The following CSNK1A1 variants were observed in gnomAD, a reference collection of about 807,000 sequenced individuals.
CSNK1A1 encodes casein kinase 1 alpha 1, also known as casein kinase I isoform alpha.
A neutral mutation model predicts 46.1 loss-of-function variants in CSNK1A1; 7 were observed. The observed-to-expected ratio is 0.15, with a 90% confidence interval of 0.09 to 0.29. CSNK1A1 has a LOEUF of 0.29. Ranked by LOEUF, CSNK1A1 falls within the 10% of genes least tolerant of loss-of-function variation. The probability of loss-of-function intolerance (pLI) is 1.00; values close to 1 mark genes in which losing one functional copy is unlikely to be tolerated. For missense variants in CSNK1A1, 96 were observed against 417.1 expected (o/e 0.23, Z 6.71); for synonymous variants, 137 against 141.5 (o/e 0.97, Z 0.23).
chr5:149,536,417 A>G (rs1314106856), intron 2 of CSNK1A1, among the ~76,000 whole-genome samples: 5 of 152,262 alleles, frequency 3.3e-5, no homozygotes, highest in African/African-American at 1.2e-4. Flanking sequence ...TTAAATGGAT[A>G]GAGCTAAGTA....
At position 149,521,014 on chromosome 5, in the gene CSNK1A1, T is replaced by TGGCTA. The variant is rs60023364; in HGVS notation, c.358-631_358-627dup. Among the ~76,000 whole-genome samples the TGGCTA allele has an allele frequency of 8.8e-3, 1,347 of 152,342 alleles. 19 individuals carry two copies. The highest frequency in any genetic ancestry group is 0.031 in the African/African-American group (1,272 of 41,584). On this transcript the variant is annotated intron_variant, in intron 3 of 9. Coordinates refer to ENST00000377843, the MANE Select transcript of CSNK1A1 (RefSeq NM_001892.6). ...GCTATAGCTCAAATATCCTTTTTAA[T>TGGCTA]GGCTACAAATATTCTGTGGTAGAGA...
intron 2 of CSNK1A1, among the ~76,000 whole-genome samples, chr5:149,546,469 T>C (rs532250218): frequency 2.7e-4 from 41 of 151,762 alleles, no homozygotes; most frequent in African/African-American, 8.7e-4. Context: ...CCCATCTCTA[T>C]TAAAAATACA....
chr5:149,528,764 T>A (rs1376610785), intron 2 of CSNK1A1, among the ~76,000 whole-genome samples: 1 of 152,250 alleles, frequency 6.6e-6, no homozygotes, highest in Admixed American at 6.5e-5. Flanking sequence ...ACTCATCTAC[T>A]GTAACTTTGG....
Position 149,538,015 on chromosome 5 carries a change from T to A in CSNK1A1, c.230+12060A>T, listed in dbSNP as rs1008294063. ...TGTCTGTTCAATGAAGTGTGCCCAGTTTTTTTTTTTTTTTTTTTTTTTTTG... is the reference window on the plus strand; with the variant it reads ...TGTCTGTTCAATGAAGTGTGCCCAGATTTTTTTTTTTTTTTTTTTTTTTTG... On this transcript the variant is annotated intron_variant, in intron 2 of 9. Transcript: ENST00000377843. Among the ~76,000 whole-genome samples, 6 of 71,524 alleles carry A rather than the reference T, an allele frequency of 8.4e-5. No individual in the cohort carries two copies. In the Admixed American group the frequency reaches 8.9e-4, roughly 11 times the overall value. The allele number at this position is 71,524 out of a possible 152,430, so 46.9% of individuals were successfully genotyped here.
chr5:149,527,320 G>A (rs557953924), intron 2 of CSNK1A1, among the ~76,000 whole-genome samples: 5 of 152,192 alleles, frequency 3.3e-5, no homozygotes, highest in East Asian at 3.9e-4. Context: ...TAGTGACGGC[G>A]TTTCACAATG....
intron 2 of CSNK1A1, among the ~76,000 whole-genome samples, chr5:149,542,674 A>ATATATATG (rs1762334191): frequency 1.6e-4 from 1 of 6,126 alleles, no homozygotes; most frequent in Non-Finnish European, 2.7e-4. Context: ...ATATATATGT[A>ATATATATG]TATATATATA....
chr5:149,540,025 C>A (rs1000492423), intron 2 of CSNK1A1, among the ~76,000 whole-genome samples: 1 of 152,090 alleles, frequency 6.6e-6, no homozygotes, highest in African/African-American at 2.4e-5. Flanking sequence ...AAGTACTTAT[C>A]AACATTACAA....
At chr5:149,538,918 G>A (rs1407576452) in intron 2 of CSNK1A1, among the ~76,000 whole-genome samples, 22 of 114,786 alleles carry the variant, frequency 1.9e-4, no homozygotes, top group South Asian at 8.9e-4. Flanking sequence ...GCGAAACTCC[G>A]TCTCAAAAAA....
chr5:149,524,068 T>C (rs1028713660), intron 3 of CSNK1A1, among the ~76,000 whole-genome samples: 1 of 152,314 alleles, frequency 6.6e-6, no homozygotes, highest in East Asian at 1.9e-4. Flanking sequence ...CTTTGGGTAA[T>C]ACATAAATAA....
chr5:149,526,131 CTATT>C (rs1211383781), intron 2 of CSNK1A1, among the ~76,000 whole-genome samples: 1 of 151,922 alleles, frequency 6.6e-6, no homozygotes, highest in Non-Finnish European at 1.5e-5. Flanking sequence ...CCTTATTTAT[CTATT>C]TATTTATTTA....
chr5:149,513,975 C>A (rs1225365082), intron 4 of CSNK1A1, among the ~76,000 whole-genome samples: 3 of 151,628 alleles, frequency 2.0e-5, no homozygotes, highest in Non-Finnish European at 4.4e-5. Context: ...AATGTGCCAA[C>A]AGAATACTTG....
intron 2 of CSNK1A1, chr5:149,549,339 T>G (rs1762585188): frequency 1.6e-6 from 1 of 620,272 alleles, no homozygotes; most frequent in Non-Finnish European, 3.0e-6. Flanking sequence ...AAAGAGTAAT[T>G]AACACTTTTA....
At chr5:149,520,032 T>C (rs1299212612) in intron 4 of CSNK1A1, among the ~76,000 whole-genome samples, 1 of 152,218 alleles carries the variant, frequency 6.6e-6, no homozygotes, top group Non-Finnish European at 1.5e-5. Context: ...CTTAGACAAC[T>C]ACAGTTCATT....
chr5:149,523,609 G>A (rs1273229213), intron 3 of CSNK1A1, among the ~76,000 whole-genome samples: 1 of 152,210 alleles, frequency 6.6e-6, no homozygotes, highest in Non-Finnish European at 1.5e-5. Flanking sequence ...AGGTTAAGAA[G>A]CTTGGGGAGT....
intron 9 of CSNK1A1, chr5:149,502,971 G>T: frequency 1.3e-6 from 1 of 748,888 alleles, no homozygotes; most frequent in Non-Finnish European, 1.6e-6. Flanking sequence ...TTTCCACCAT[G>T]TTGGCCAGAC....
chr5:149,526,999 A>G (rs959012435), intron 2 of CSNK1A1, among the ~76,000 whole-genome samples: 1 of 152,200 alleles, frequency 6.6e-6, no homozygotes, highest in Non-Finnish European at 1.5e-5. Context: ...CAAGCACACA[A>G]AATCAAATCC....
intron 2 of CSNK1A1, chr5:149,545,604 A>G (rs1762455105): frequency 2.4e-6 from 2 of 837,226 alleles, no homozygotes; most frequent in Admixed American, 3.5e-5. Context: ...TCTTGGGCTT[A>G]ACCTCCTTGG....
chr5:149,497,227 A>G (rs1202785112), intron 9 of CSNK1A1: 1 of 1,010,480 alleles, frequency 9.9e-7, no homozygotes, highest in East Asian at 9.7e-5. Flanking sequence ...TGCTTTAACT[A>G]AAGAATACAA....
intron 2 of CSNK1A1, among the ~76,000 whole-genome samples, chr5:149,548,586 C>T (rs2113209082): frequency 6.6e-6 from 1 of 151,558 alleles, no homozygotes; most frequent in East Asian, 2.0e-4. Flanking sequence ...AAAAGCCGGG[C>T]ACAGTGGCTC....
Sources: gnomAD v4.1 joint callset for allele counts (sites outside exome capture counted in the v4.1 genomes callset) on GRCh38, gnomAD v4.1.1 for gene constraint, MANE v1.5 for transcripts, NCBI Gene and HGNC (gene_info 2026-07-23, HGNC 2026-07-21) for gene names.